RAB30: variants seen among roughly 807,000 people sequenced by gnomAD.
RAB30 encodes the protein RAB30, member RAS oncogene family.
A neutral mutation model predicts 25.1 loss-of-function variants in RAB30; 9 were observed. The observed-to-expected ratio is 0.36, with a 90% CI of 0.22 to 0.63. RAB30 has a LOEUF of 0.63. Ranked by LOEUF, RAB30 falls within the 20% of genes least tolerant of loss-of-function variation. The probability of loss-of-function intolerance (pLI) is 0.69; values close to 1 mark genes in which losing one functional copy is unlikely to be tolerated. For missense variants in RAB30, 140 were observed against 243.5 expected, an observed-to-expected ratio of 0.58 and a Z score of 2.83; for synonymous variants, 77 against 86.4, an observed-to-expected ratio of 0.89 and a Z score of 0.60.
intron 1 of RAB30, among the ~76,000 whole-genome samples, chr11:82,997,881 TCTC>T (rs1856991884): frequency 6.6e-6 from 1 of 152,056 alleles, no homozygotes; most frequent in South Asian, 2.1e-4. Context: ...CTCCTATACA[TCTC>T]CTGCCAGCCA....
intron 3 of RAB30, among the ~76,000 whole-genome samples, chr11:82,988,161 T>A (rs1255069846): frequency 6.6e-6 from 1 of 152,178 alleles, no homozygotes; most frequent in Admixed American, 6.5e-5. Flanking sequence ...GTAGATACTA[T>A]CATAATACCC....
intron 1 of RAB30, among the ~76,000 whole-genome samples, chr11:83,030,679 C>A (rs567083812): frequency 6.6e-6 from 1 of 152,062 alleles, no homozygotes; most frequent in African/African-American, 2.4e-5. Context: ...CACCTGTAAT[C>A]CCAGCTACTC....
intron 1 of RAB30, among the ~76,000 whole-genome samples, chr11:83,006,994 C>A (rs887240954): frequency 6.6e-6 from 1 of 152,236 alleles, no homozygotes; most frequent in African/African-American, 2.4e-5. Flanking sequence ...CACATTCTTA[C>A]AGCTTAGAAA....
At position 82,977,967 on chromosome 11, in the gene RAB30, C is replaced by A. The variant is rs1227750522; in HGVS notation, c.*4198G>T. ...AGGAAGGCATCTTTCCTTCCAAACG[C>A]AAATAGGCTCATGCCACAGAAATGA... On this transcript the variant is annotated 3_prime_UTR_variant, in exon 5 of 5. Transcript: ENST00000527633. 2 of 152,022 alleles carry A rather than the reference C, an allele frequency of 1.3e-5. No homozygotes were observed. The highest frequency in any genetic ancestry group is 6.6e-5 in the Admixed American group (1 of 15,252). The allele number at this position is 152,022 out of a possible 1,614,324, so 9.4% of individuals were successfully genotyped here.
rs138107515 is a variant in RAB30, at chr11:82,989,134, G to C, written c.178-1364C>G. On this transcript the variant is annotated intron_variant, in intron 3 of 4. Coordinates refer to ENST00000527633, the MANE Select transcript of RAB30 (RefSeq NM_001286060.2). ...TCTTTACAACAATCCAGTGAGGTAG[G>C]CAAGTGTACACCTCCCCGTATTAAT... is the stretch of plus-strand genomic sequence containing the variant. Among the ~76,000 whole-genome samples, 385 of 152,194 alleles carry C rather than the reference G, an allele frequency of 2.5e-3. 1 individual carries two copies. Among genetic ancestry groups the C allele is most frequent in the African/African-American group, 7.8e-3 (323 of 41,518 alleles).
In RAB30 at chr11:82,982,250, T is replaced by C. The variant is rs1205229890; in HGVS notation, c.527A>G (p.Gln176Arg). ...LACRLISEARQNTLVNNVSSP... is the reference protein window; with the variant it reads ...LACRLISEARRNTLVNNVSSP... ...GGATACATTGTTCACAAGTGTGTTC[T>C]GTCTGGCTTCACTGATGAGTCGGCA... The change falls in exon 5 of 5, where the codon CAG becomes CGG. Residue 176 changes from glutamine to arginine, a missense_variant. Gln to Arg is a conservative substitution (Grantham distance 43). Coordinates refer to ENST00000527633, the MANE Select transcript of RAB30 (RefSeq NM_001286060.2). 6.2e-7 allele frequency: 1 copy of C among 1,614,250 alleles called. No individual in the cohort carries two copies. Among genetic ancestry groups the C allele is most frequent in the South Asian group, 1.1e-5 (1 of 91,092 alleles).
chr11:83,070,153 T>C (rs1030564707), intron 1 of RAB30, among the ~76,000 whole-genome samples: 2 of 151,654 alleles, frequency 1.3e-5, no homozygotes, highest in South Asian at 2.1e-4. Flanking sequence ...GGGGAAGAAA[T>C]GAAAGTACAG....
chr11:83,000,665 G>A (rs1857058133), intron 1 of RAB30, among the ~76,000 whole-genome samples: 1 of 152,178 alleles, frequency 6.6e-6, no homozygotes, highest in Admixed American at 6.5e-5. Flanking sequence ...AGGAAATCCA[G>A]AGGAGAATGT....
Position 83,030,236 on chromosome 11 carries a change from C to T in RAB30, c.-8-32912G>A, listed in dbSNP as rs1857822645. Among the ~76,000 whole-genome samples, 3 of 151,904 alleles carry T rather than the reference C, an allele frequency of 2.0e-5. No homozygotes were observed. The South Asian group carries it at 6.2e-4, about 32-fold the overall frequency. ...TCAATGCCAGGTGTGGTGGCTCATG[C>T]TTATAATCCCAGCATTTTGGGAGGC... On this transcript the variant is annotated intron_variant, in intron 1 of 4. Coordinates refer to ENST00000527633, the MANE Select transcript of RAB30 (RefSeq NM_001286060.2).
At chr11:83,066,548 A>C (rs537758675) in intron 1 of RAB30, among the ~76,000 whole-genome samples, 1 of 151,766 alleles carries the variant, frequency 6.6e-6, no homozygotes, top group Non-Finnish European at 1.5e-5. Flanking sequence ...TGAAAGTGTC[A>C]AGAATACTTT....
intron 1 of RAB30, among the ~76,000 whole-genome samples, chr11:83,049,520 G>A (rs1858310903): frequency 6.6e-6 from 1 of 150,906 alleles, no homozygotes; most frequent in Non-Finnish European, 1.5e-5. Flanking sequence ...TCACTCTGTT[G>A]CCCAGGCTGG....
In RAB30 at chr11:82,981,251, GT is replaced by G. The variant is rs1273295469; in HGVS notation, c.*913del. On this transcript the variant is annotated 3_prime_UTR_variant, in exon 5 of 5. Transcript: ENST00000527633. ...ACTACTCAAAATGTGTTAGAGCTAA[GT>G]TTTTATATTAGAATGTCATCAACCA... 5 of 152,128 alleles carry G rather than the reference GT, an allele frequency of 3.3e-5. No individual in the cohort carries two copies. Among genetic ancestry groups the G allele is most frequent in the Admixed American group, 6.6e-5 (1 of 15,266 alleles). The allele number at this position is 152,128 out of a possible 1,614,324, so 9.4% of individuals were successfully genotyped here.
At chr11:83,011,921 C>G (rs1469784835) in intron 1 of RAB30, among the ~76,000 whole-genome samples, 1 of 152,100 alleles carries the variant, frequency 6.6e-6, no homozygotes, top group Non-Finnish European at 1.5e-5. Context: ...ATGGACTTCT[C>G]TAGAGAGAGA....
At chr11:83,004,324 C>T (rs1233393456) in intron 1 of RAB30, among the ~76,000 whole-genome samples, 1 of 152,146 alleles carries the variant, frequency 6.6e-6, no homozygotes, top group Non-Finnish European at 1.5e-5. Context: ...TCAACAAATA[C>T]ACTTTAATAT....
intron 1 of RAB30, among the ~76,000 whole-genome samples, chr11:83,011,144 T>A (rs1018239639): frequency 6.6e-6 from 1 of 152,256 alleles, no homozygotes; most frequent in African/African-American, 2.4e-5. Flanking sequence ...ATTTTGTATG[T>A]ACCATAGACA....
intron 1 of RAB30, among the ~76,000 whole-genome samples, chr11:83,011,507 G>C (rs1857303342): frequency 6.6e-6 from 1 of 152,138 alleles, no homozygotes; most frequent in Non-Finnish European, 1.5e-5. Flanking sequence ...ATGACTCTTA[G>C]GTCTATTTCA....
intron 1 of RAB30, among the ~76,000 whole-genome samples, chr11:83,030,443 AG>A (rs1857829057): frequency 6.6e-6 from 1 of 151,962 alleles, no homozygotes; most frequent in African/African-American, 2.4e-5. Flanking sequence ...GGCTATGTTG[AG>A]CCGTGTTCAT....
chr11:83,048,095 T>C (rs919508111), intron 1 of RAB30, among the ~76,000 whole-genome samples: 1 of 152,006 alleles, frequency 6.6e-6, no homozygotes. Context: ...AATAAAACGA[T>C]GCTCACTTCT....
chr11:82,987,905 T>TAAAC (rs1491145878), intron 3 of RAB30, 135 bp from the exon 4 acceptor site: 1 of 35,280 alleles, frequency 2.8e-5, no homozygotes, highest in Non-Finnish European at 5.0e-5. Flanking sequence ...TTTTCTGCCC[T>TAAAC]AAAAAAAAAA....
Sources: allele counts gnomAD v4.1 joint callset (sites outside exome capture counted in the v4.1 genomes callset), GRCh38; gene constraint gnomAD v4.1.1; transcripts MANE v1.5; gene names NCBI Gene and HGNC (gene_info 2026-07-23, HGNC 2026-07-21).